The following LRRC4C variants were observed in gnomAD, a reference collection of about 807,000 sequenced individuals.
The protein encoded by LRRC4C is leucine-rich repeat-containing protein 4C.
A neutral mutation model predicts 33.6 loss-of-function variants in LRRC4C; 5 were observed. That is an observed-to-expected ratio of 0.15 (90% CI 0.08 to 0.31). LRRC4C has a LOEUF of 0.31. LRRC4C is among the 10% of genes least tolerant of loss of function. The pLI is 1.00. For missense variants in LRRC4C, 560 were observed against 796.7 expected, an observed-to-expected ratio of 0.70 and a Z score of 3.58; for synonymous variants, 329 against 302.0, an observed-to-expected ratio of 1.09 and a Z score of -0.93.
chr11:41,196,074 G>C (rs559726216), intron 1 of LRRC4C, among the ~76,000 whole-genome samples: 1 of 151,914 alleles, frequency 6.6e-6, no homozygotes, highest in Non-Finnish European at 1.5e-5. Flanking sequence ...CAATAGAAGG[G>C]GCAATCTCTG....
At chr11:40,701,900 T>C (rs1280213665) in intron 2 of LRRC4C, among the ~76,000 whole-genome samples, 2 of 151,898 alleles carry the variant, frequency 1.3e-5, no homozygotes, top group Admixed American at 6.6e-5. Context: ...GGTTTGAATT[T>C]GTGAGGTAAC....
chr11:40,231,130 G>T (rs532697334), intron 5 of LRRC4C, among the ~76,000 whole-genome samples: 1 of 152,162 alleles, frequency 6.6e-6, no homozygotes, highest in Admixed American at 6.5e-5. Flanking sequence ...AACTCTGGAG[G>T]CTGAGGTGAG....
At chr11:40,425,990 A>T (rs1251597538) in intron 3 of LRRC4C, among the ~76,000 whole-genome samples, 1 of 150,984 alleles carries the variant, frequency 6.6e-6, no homozygotes, top group South Asian at 2.1e-4. Flanking sequence ...AATGCTGGTG[A>T]TAACAAGAAT....
At chr11:41,188,027 T>C (rs1945772741) in intron 1 of LRRC4C, among the ~76,000 whole-genome samples, 1 of 148,010 alleles carries the variant, frequency 6.8e-6, no homozygotes, top group South Asian at 2.2e-4. Context: ...TCTCATGTTA[T>C]GAATAGAACA....
chr11:40,495,918 C>T (rs1954427810), intron 3 of LRRC4C, among the ~76,000 whole-genome samples: 1 of 143,646 alleles, frequency 7.0e-6, no homozygotes, highest in Non-Finnish European at 1.5e-5. Flanking sequence ...CAACCTCCGC[C>T]CCCGGGGTTC....
chr11:40,122,037 G>C (rs1855864560), intron 6 of LRRC4C, among the ~76,000 whole-genome samples: 1 of 151,982 alleles, frequency 6.6e-6, no homozygotes, highest in Admixed American at 6.6e-5. Context: ...AAAGCAAATG[G>C]CTTCACTGAT....
chr11:41,280,996 A>G (rs1037841012), intron 1 of LRRC4C, among the ~76,000 whole-genome samples: 1 of 146,832 alleles, frequency 6.8e-6, no homozygotes, highest in Non-Finnish European at 1.5e-5. Flanking sequence ...TTAGCCTAGT[A>G]TTTTTTTCCA....
intron 1 of LRRC4C, among the ~76,000 whole-genome samples, chr11:41,442,800 T>A (rs1443521418): frequency 6.6e-6 from 1 of 152,092 alleles, no homozygotes; most frequent in East Asian, 1.9e-4. Flanking sequence ...AAAACAGCCA[T>A]TAGATTTTTA....
At chr11:40,206,723 A>T (rs1436906462) in intron 5 of LRRC4C, among the ~76,000 whole-genome samples, 1 of 152,160 alleles carries the variant, frequency 6.6e-6, no homozygotes, top group Admixed American at 6.5e-5. Context: ...GGGACATACA[A>T]GAGGGATTCT....
chr11:41,182,650 AAGG>A (rs1339394864), intron 1 of LRRC4C, among the ~76,000 whole-genome samples: 1 of 152,132 alleles, frequency 6.6e-6, no homozygotes, highest in Non-Finnish European at 1.5e-5. Flanking sequence ...TTAACTGTAG[AAGG>A]AGGAGAATTT....
At chr11:41,375,035 G>C (rs996691160) in intron 1 of LRRC4C, among the ~76,000 whole-genome samples, 1 of 152,006 alleles carries the variant, frequency 6.6e-6, no homozygotes, top group African/African-American at 2.4e-5. Context: ...GCTGAGGAGG[G>C]AGAATCACCT....
chr11:40,546,990 C>T (rs1956950618), intron 3 of LRRC4C, among the ~76,000 whole-genome samples: 1 of 152,114 alleles, frequency 6.6e-6, no homozygotes, highest in Non-Finnish European at 1.5e-5. Flanking sequence ...GGGTTCGTTA[C>T]AGATAGATAG....
intron 4 of LRRC4C, among the ~76,000 whole-genome samples, chr11:40,269,434 C>T (rs1057242933): frequency 3.3e-5 from 5 of 151,990 alleles, no homozygotes; most frequent in Admixed American, 6.6e-5. Flanking sequence ...TTACTATTAT[C>T]CCATTTATGA....
chr11:41,121,160 G>T (rs1035942870), intron 1 of LRRC4C, among the ~76,000 whole-genome samples: 3 of 152,108 alleles, frequency 2.0e-5, no homozygotes, highest in African/African-American at 7.2e-5. Context: ...TCCTCATAAA[G>T]ATCCTTTTTA....
At chr11:40,909,617 T>C (rs1382380788) in intron 2 of LRRC4C, among the ~76,000 whole-genome samples, 1 of 152,170 alleles carries the variant, frequency 6.6e-6, no homozygotes, top group African/African-American at 2.4e-5. Flanking sequence ...CAATTTTCAA[T>C]GAGTTATTAT....
chr11:40,457,185 C>A (rs1249749770), intron 3 of LRRC4C, among the ~76,000 whole-genome samples: 2 of 146,536 alleles, frequency 1.4e-5, no homozygotes, highest in African/African-American at 2.5e-5. Context: ...TCAAAGAACA[C>A]AATCAAACAA....
At chr11:40,698,482 A>G (rs896182472) in intron 2 of LRRC4C, among the ~76,000 whole-genome samples, 5 of 151,978 alleles carry the variant, frequency 3.3e-5, no homozygotes, top group Non-Finnish European at 7.4e-5. Flanking sequence ...CCCTTGTTAA[A>G]TCCTAATCAG....
intron 1 of LRRC4C, among the ~76,000 whole-genome samples, chr11:41,213,943 G>A (rs1020367852): frequency 2.0e-5 from 3 of 152,068 alleles, no homozygotes; most frequent in Non-Finnish European, 4.4e-5. Context: ...TGTTCATTCT[G>A]CTATAAATTT....
chr11:40,989,825 C>T (rs761816043), intron 1 of LRRC4C, among the ~76,000 whole-genome samples: 56 of 152,004 alleles, frequency 3.7e-4, no homozygotes, highest in Admixed American at 8.5e-4. Context: ...ATATCCTTGC[C>T]TTCCCATCCA....
Sources: allele counts gnomAD v4.1 joint callset (sites outside exome capture counted in the v4.1 genomes callset), GRCh38; gene constraint gnomAD v4.1.1; transcripts MANE v1.5; gene names NCBI Gene and HGNC (gene_info 2026-07-23, HGNC 2026-07-21).